The following DOK6 variants were observed in gnomAD, a reference collection of about 807,000 sequenced individuals.
The protein encoded by DOK6 is docking protein 6, also known as downstream of tyrosine kinase 6.
A neutral mutation model predicts 44.0 loss-of-function variants in DOK6; 22 were observed. The observed-to-expected ratio is 0.50, with a 90% CI of 0.36 to 0.71. DOK6 has a LOEUF of 0.71. DOK6 is among the 30% of genes least tolerant of loss of function. The pLI is 0.00. For synonymous variants in DOK6, 166 were observed against 145.5 expected (o/e 1.14, Z -1.01); for missense variants, 340 against 416.4 (o/e 0.82, Z 1.60).
intron 1 of DOK6, among the ~76,000 whole-genome samples, chr18:69,464,323 A>G (rs1032681399): frequency 6.6e-6 from 1 of 152,236 alleles, no homozygotes; most frequent in African/African-American, 2.4e-5. Flanking sequence ...GGGAGATTGT[A>G]AACAGTGGAG....
At chr18:69,615,685 T>C (rs945409152) in intron 3 of DOK6, among the ~76,000 whole-genome samples, 22 of 152,170 alleles carry the variant, frequency 1.4e-4, no homozygotes, top group Admixed American at 1.4e-3. Flanking sequence ...TGCACACACC[T>C]CCACCAAAAG....
Position 69,541,455 on chromosome 18 carries a change from A to G in DOK6, c.67-23032A>G, listed in dbSNP as rs568851481. On this transcript the variant is annotated intron_variant, in intron 1 of 7. Transcript: ENST00000382713. ...CATTATTATATATTTTAAAAACCCA[A>G]CCATTTCCAATCATTTATGAGAGAT... Among the ~76,000 whole-genome samples, 33 of 151,616 alleles carry G rather than the reference A, an allele frequency of 2.2e-4. 1 individual carries two copies. The highest frequency in any genetic ancestry group is 3.9e-4 in the Admixed American group (6 of 15,192).
chr18:69,685,823 AG>A (rs1184662066), intron 4 of DOK6, among the ~76,000 whole-genome samples: 1 of 152,206 alleles, frequency 6.6e-6, no homozygotes, highest in Non-Finnish European at 1.5e-5. Context: ...ATCTTTTTGT[AG>A]TACGGTGGCA....
At chr18:69,509,883 A>G (rs75532344) in intron 1 of DOK6, among the ~76,000 whole-genome samples, 391 of 152,326 alleles carry the variant, frequency 2.6e-3, no homozygotes, top group African/African-American at 9.1e-3. Context: ...GTATTTATGC[A>G]AGAGCAAATG....
Position 69,577,197 on chromosome 18 carries a change from T to C in DOK6, c.174+12603T>C, listed in dbSNP as rs570079990. ...TATAAATACACTATTTCTTCAAAAC[T>C]AGAAGAAAAGGCATTGGTAAATGCA... On this transcript the variant is annotated intron_variant, in intron 2 of 7. Coordinates refer to ENST00000382713, the MANE Select transcript of DOK6 (RefSeq NM_152721.6). Among the ~76,000 whole-genome samples, 118 of 152,130 alleles carry C rather than the reference T, an allele frequency of 7.8e-4. 2 individuals carry two copies. The highest frequency in any genetic ancestry group is 1.5e-3 in the Non-Finnish European group (100 of 68,006).
In DOK6 at chr18:69,677,810, G is replaced by A. The variant is rs1985958147; in HGVS notation, c.366G>A (p.Gly122=). The A allele has an allele frequency of 6.2e-7, 1 of 1,613,838 alleles. No individual in the cohort carries two copies. The highest frequency in any genetic ancestry group is 8.5e-7 in the Non-Finnish European group (1 of 1,179,828). The change falls in exon 4 of 8, where the codon GGG becomes GGA. Residue 122 remains glycine (G), a synonymous_variant. Coordinates refer to ENST00000382713, the MANE Select transcript of DOK6 (RefSeq NM_152721.6). ...LGTRLNDISL[G]EPDLLAAGVQ... ...CCAGGCTCAATGATATCAGCCTTGGGGAGCCCGACCTTCTGGCCGCAGGAG... is the reference window on the plus strand; with the variant it reads ...CCAGGCTCAATGATATCAGCCTTGGAGAGCCCGACCTTCTGGCCGCAGGAG...
At chr18:69,476,550 G>GTTT (rs1385759071) in intron 1 of DOK6, among the ~76,000 whole-genome samples, 1 of 151,652 alleles carries the variant, frequency 6.6e-6, no homozygotes, top group Non-Finnish European at 1.5e-5. Flanking sequence ...GGACAAGGCA[G>GTTT]TTAATAGACA....
intron 1 of DOK6, among the ~76,000 whole-genome samples, chr18:69,468,318 T>C (rs189749046): frequency 6.6e-6 from 1 of 152,340 alleles, no homozygotes; most frequent in Admixed American, 6.5e-5. Context: ...TAGCAACACT[T>C]GGAAGTAGCC....
At chr18:69,602,663 G>T (rs973595841) in intron 3 of DOK6, among the ~76,000 whole-genome samples, 1 of 152,008 alleles carries the variant, frequency 6.6e-6, no homozygotes, top group Non-Finnish European at 1.5e-5. Flanking sequence ...ATAGATATAG[G>T]CTATATAGGA....
chr18:69,778,555 G>A (rs561039081), intron 7 of DOK6, among the ~76,000 whole-genome samples: 4 of 152,234 alleles, frequency 2.6e-5, no homozygotes, highest in African/African-American at 9.6e-5. Context: ...AAACTACATG[G>A]CTGGCTTATA....
At chr18:69,720,071 C>T (rs1986972866) in intron 5 of DOK6, among the ~76,000 whole-genome samples, 1 of 152,138 alleles carries the variant, frequency 6.6e-6, no homozygotes, top group Non-Finnish European at 1.5e-5. Flanking sequence ...CCCTTGTAGT[C>T]CCAGCCACTC....
intron 1 of DOK6, among the ~76,000 whole-genome samples, chr18:69,544,433 A>G (rs1982348525): frequency 6.6e-6 from 1 of 151,666 alleles, no homozygotes; most frequent in Non-Finnish European, 1.5e-5. Context: ...TAAAAAGAGG[A>G]GTGAATGAAG....
At chr18:69,527,294 T>C (rs895918394) in intron 1 of DOK6, among the ~76,000 whole-genome samples, 5 of 152,160 alleles carry the variant, frequency 3.3e-5, no homozygotes, top group Non-Finnish European at 7.4e-5. Context: ...GACTGGGTAA[T>C]TTATAAAGGA....
At chr18:69,569,295 T>C (rs1350812489) in intron 2 of DOK6, among the ~76,000 whole-genome samples, 2 of 152,216 alleles carry the variant, frequency 1.3e-5, no homozygotes, top group African/African-American at 4.8e-5. Flanking sequence ...GAACCAGTTA[T>C]GAAGTGGCAA....
rs73468855 is a variant in DOK6, at chr18:69,499,480, T to G, written c.67-65007T>G. 6.9e-3 allele frequency among the ~76,000 whole-genome samples: 1,052 copies of G among 152,310 alleles called. 14 individuals are homozygous for G. Among genetic ancestry groups the G allele is most frequent in the African/African-American group, 0.025 (1,020 of 41,570 alleles). On this transcript the variant is annotated intron_variant, in intron 1 of 7. Coordinates refer to ENST00000382713, the MANE Select transcript of DOK6 (RefSeq NM_152721.6). ...AGTAATTTACGCAAAAATGATTAAC[T>G]TCAACAAAGGGCAGATTTTTCTCTG...
At chr18:69,730,652 A>T (rs928135968) in intron 5 of DOK6, among the ~76,000 whole-genome samples, 14 of 152,358 alleles carry the variant, frequency 9.2e-5, no homozygotes, top group Admixed American at 9.1e-4. Context: ...TGAAGTTAAA[A>T]TTTTAAGGTT....
At chr18:69,824,195 C>CT (rs1981667956) in intron 7 of DOK6, among the ~76,000 whole-genome samples, 1 of 26,508 alleles carries the variant, frequency 3.8e-5, no homozygotes, top group Admixed American at 4.9e-4. Context: ...TCCCTCCCCC[C>CT]TCCCCCCACC....
intron 1 of DOK6, among the ~76,000 whole-genome samples, chr18:69,420,232 A>G (rs1393095769): frequency 4.6e-5 from 7 of 151,972 alleles, no homozygotes; most frequent in African/African-American, 1.4e-4. Flanking sequence ...CTTTAGATGT[A>G]TTTGTTATAT....
At chr18:69,455,327 T>C (rs1208682072) in intron 1 of DOK6, among the ~76,000 whole-genome samples, 1 of 152,170 alleles carries the variant, frequency 6.6e-6, no homozygotes, top group Non-Finnish European at 1.5e-5. Flanking sequence ...AAAATAACAC[T>C]GAAAGGCATT....
Sources: gnomAD v4.1 joint callset for allele counts (sites outside exome capture counted in the v4.1 genomes callset) on GRCh38, gnomAD v4.1.1 for gene constraint, MANE v1.5 for transcripts, NCBI Gene and HGNC (gene_info 2026-07-23, HGNC 2026-07-21) for gene names.